ADARB1: variants seen among roughly 807,000 people sequenced by gnomAD.
The protein encoded by ADARB1 is double-stranded RNA-specific editase 1.
A neutral mutation model predicts 52.4 loss-of-function variants in ADARB1; 10 were observed. That is an observed-to-expected ratio of 0.19 (90% confidence interval 0.12 to 0.32). ADARB1 has a LOEUF of 0.32. Ranked by LOEUF, ADARB1 falls within the 10% of genes least tolerant of loss-of-function variation. ADARB1 has a pLI of 1.00. For synonymous variants in ADARB1, 349 were observed against 371.1 expected, an observed-to-expected ratio of 0.94 and a Z score of 0.68; for missense variants, 643 against 922.3, an observed-to-expected ratio of 0.70 and a Z score of 3.92.
At chr21:45,121,628 A>C (rs944296644) in intron 1 of ADARB1, among the ~76,000 whole-genome samples, 1 of 151,800 alleles carries the variant, frequency 6.6e-6, no homozygotes, top group Non-Finnish European at 1.5e-5. Context: ...TTTCTGGGTT[A>C]TTGCTTCGGT....
At chr21:45,183,593 CCTTTTTTT>C (rs2092000131) in intron 7 of ADARB1, 83 bp downstream of exon 7, 3 of 1,473,432 alleles carry the variant, frequency 2.0e-6, no homozygotes, top group Non-Finnish European at 1.8e-6. Context: ...TATCCCTTTT[CCTTTTTTT>C]CTTTTTATTT....
intron 9 of ADARB1, among the ~76,000 whole-genome samples, chr21:45,214,359 T>TA (rs1354628057): frequency 6.6e-6 from 1 of 152,246 alleles, no homozygotes; most frequent in Non-Finnish European, 1.5e-5. Flanking sequence ...CATAGTGTCT[T>TA]ACGCAAACCA....
intron 2 of ADARB1, chr21:45,136,964 G>C (rs574764875): frequency 1.3e-5 from 2 of 152,360 alleles, no homozygotes; most frequent in East Asian, 3.9e-4. Context: ...TTCTGAAGAA[G>C]TACACAATTA....
In ADARB1 at chr21:45,157,708, C is replaced by T. The variant is rs556766009; in HGVS notation, c.-47-13902C>T. 2.4e-4 allele frequency among the ~76,000 whole-genome samples: 36 copies of T among 152,058 alleles called. No individual in the cohort carries two copies. The East Asian group carries it at 5.2e-3, about 22-fold the overall frequency. ...ACATATGTGCATAGGGTGGGGGTAA[C>T]GAGGGAGAGGGACAAGAAGGGCCAG... On this transcript the variant is annotated intron_variant, in intron 2 of 10. Transcript: ENST00000348831. The surrounding 1 kb of genome is among the most constrained non-coding windows in gnomAD (Gnocchi z 4.1).
At position 45,180,447 on chromosome 21, in the gene ADARB1, A is replaced by G. The variant is rs1344621206; in HGVS notation, c.1078+3A>G. 6.8e-6 allele frequency: 11 copies of G among 1,610,098 alleles called. No individual in the cohort carries two copies. The highest frequency in any genetic ancestry group is 1.1e-5 in the South Asian group (1 of 90,770). ...GGCTGGAGTCGTCATGACAACAGGTAACCATCTTGGTGTTGTATGTAACCC... is the reference window on the plus strand; with the variant it reads ...GGCTGGAGTCGTCATGACAACAGGTGACCATCTTGGTGTTGTATGTAACCC... On this transcript the variant is annotated splice_donor_region_variant and intron_variant, in intron 5 of 10. Coordinates refer to ENST00000348831, the MANE Select transcript of ADARB1 (RefSeq NM_001112.4).
intron 8 of ADARB1, among the ~76,000 whole-genome samples, chr21:45,194,398 G>C (rs1217085191): frequency 6.6e-6 from 1 of 152,132 alleles, no homozygotes; most frequent in Non-Finnish European, 1.5e-5. Context: ...GACCAGAGTA[G>C]TTTCACTGCC....
At position 45,220,605 on chromosome 21, in the gene ADARB1, G is replaced by A. The variant is rs958611823; in HGVS notation, c.1748-231G>A. 1.1e-4 allele frequency among the ~76,000 whole-genome samples: 16 copies of A among 152,220 alleles called. No homozygotes were observed. Among genetic ancestry groups the A allele is most frequent in the East Asian group, 3.8e-4 (2 of 5,202 alleles). ...TGCCCTGTCAGACAAGTGCATACCC[G>A]TGGGTCAGTTCTGCTTTCTCAGCAC... On this transcript the variant is annotated intron_variant, in intron 9 of 10. Transcript: ENST00000348831. This position sits in a 1 kb window ranked among gnomAD's most constrained non-coding sequence, Gnocchi z 6.3.
At chr21:45,134,866 C>A (rs371162831) in intron 2 of ADARB1, 9 of 531,330 alleles carry the variant, frequency 1.7e-5, no homozygotes, top group African/African-American at 1.5e-4. Context: ...GTCAGGGGCA[C>A]CCAGCACCAC....
intron 2 of ADARB1, among the ~76,000 whole-genome samples, chr21:45,131,554 C>T (rs2088935688): frequency 6.6e-6 from 1 of 152,162 alleles, no homozygotes; most frequent in Non-Finnish European, 1.5e-5. Context: ...TAGGAGTGCC[C>T]ATGTCACCAT....
At chr21:45,134,009 T>G (rs1465251817) in intron 2 of ADARB1, among the ~76,000 whole-genome samples, 10 of 79,144 alleles carry the variant, frequency 1.3e-4, no homozygotes, top group African/African-American at 2.0e-4. Flanking sequence ...GCCCGACGGG[T>G]GTGTGTGCCC....
At chr21:45,211,232 G>A (rs1350459268) in intron 9 of ADARB1, among the ~76,000 whole-genome samples, 3 of 152,138 alleles carry the variant, frequency 2.0e-5, no homozygotes, top group African/African-American at 7.2e-5. Flanking sequence ...CCCTTAAGAC[G>A]ATCACAATGA....
chr21:45,123,693 C>T (rs1454934358), intron 1 of ADARB1, among the ~76,000 whole-genome samples: 1 of 152,124 alleles, frequency 6.6e-6, no homozygotes, highest in Non-Finnish European at 1.5e-5. Context: ...CTTGAACTCC[C>T]AGGTTCAAAC....
At position 45,183,627 on chromosome 21, in the gene ADARB1, G is replaced by T. The variant is rs565151193; in HGVS notation, c.1396+117G>T. 9.1e-5 allele frequency: 107 copies of T among 1,170,270 alleles called. No homozygotes were observed. The African/African-American group carries it at 1.6e-3, about 18-fold the overall frequency. The allele number at this position is 1,170,270 out of a possible 1,614,324, so 72.5% of individuals were successfully genotyped here. ...CTTTTTATTTTTAGACTTGGATGTGGATCTGATAAGAGTCTCTATAAAAGC... is the reference window on the plus strand; with the variant it reads ...CTTTTTATTTTTAGACTTGGATGTGTATCTGATAAGAGTCTCTATAAAAGC... On this transcript the variant is annotated intron_variant, in intron 7 of 10. Coordinates refer to ENST00000348831, the MANE Select transcript of ADARB1 (RefSeq NM_001112.4).
rs1416678912 is a variant in ADARB1, at chr21:45,204,562, G to A, written c.1573G>A (p.Val525Met). 1.2e-6 allele frequency: 2 copies of A among 1,614,028 alleles called. No individual in the cohort carries two copies. Among genetic ancestry groups the A allele is most frequent in the Non-Finnish European group, 1.7e-6 (2 of 1,179,952 alleles). ...GCTTTCTTCTCCCTCCAGCTGGAACGTGGTGGGCATCCAGGGATCCCTGCT... is the reference window on the plus strand; with the variant it reads ...GCTTTCTTCTCCCTCCAGCTGGAACATGGTGGGCATCCAGGGATCCCTGCT... ...SCSDKIARWNVVGIQGSLLSI... is the reference protein window; with the variant it reads ...SCSDKIARWNMVGIQGSLLSI... Residue 525 changes from valine (V) to methionine (M), a missense_variant, in exon 9 of 11, where the codon GTG becomes ATG. Physicochemically the swap from Val to Met is conservative, Grantham distance 21. Around this residue, in one of 2 missense-constraint regions of ADARB1, gnomAD observed 263 missense variants for 475.8 expected, o/e 0.55. Coordinates refer to ENST00000348831, the MANE Select transcript of ADARB1 (RefSeq NM_001112.4). The surrounding 1 kb of genome is among the most constrained non-coding windows in gnomAD (Gnocchi z 4.4).
At chr21:45,118,073 A>G (rs2087930531) in intron 1 of ADARB1, among the ~76,000 whole-genome samples, 1 of 152,236 alleles carries the variant, frequency 6.6e-6, no homozygotes. Flanking sequence ...TAAACATTTT[A>G]ATATAAGAAA....
chr21:45,222,243 C>A lies in ADARB1; in HGVS notation c.*46C>A. On this transcript the variant is annotated 3_prime_UTR_variant, in exon 11 of 11. Transcript: ENST00000348831. ...GGTGCAGGGGGCTGTGGGCATCCAG[C>A]GTCATCCTCCAGAACCTCACATCTG... The A allele has an allele frequency of 6.6e-7, 1 of 1,508,200 alleles. No individual in the cohort carries two copies. Among genetic ancestry groups the A allele is most frequent in the South Asian group, 1.4e-5 (1 of 73,748 alleles). The allele number at this position is 1,508,200 out of a possible 1,614,324, so 93.4% of individuals were successfully genotyped here.
At chr21:45,167,095 C>T (rs781545869) in intron 2 of ADARB1, among the ~76,000 whole-genome samples, 9 of 152,206 alleles carry the variant, frequency 5.9e-5, no homozygotes, top group Non-Finnish European at 5.9e-5. Flanking sequence ...AAACTGAAAA[C>T]GTTGGCTTCT....
chr21:45,219,983 G>T (rs1602065131), intron 9 of ADARB1, among the ~76,000 whole-genome samples: 2 of 129,772 alleles, frequency 1.5e-5, no homozygotes, highest in African/African-American at 6.4e-5. Context: ...TCTGCCTCTT[G>T]GTAGCCTTTT....
chr21:45,153,068 A>T lies in ADARB1; in HGVS notation c.-47-18542A>T, dbSNP rs144839788. 4.4e-3 allele frequency among the ~76,000 whole-genome samples: 672 copies of T among 152,368 alleles called. 7 individuals are homozygous for T. Among genetic ancestry groups the T allele is most frequent in the Admixed American group, 8.0e-3 (123 of 15,302 alleles). On this transcript the variant is annotated intron_variant, in intron 2 of 10. Coordinates refer to ENST00000348831, the MANE Select transcript of ADARB1 (RefSeq NM_001112.4). ...TGAGATTTCCTTTGCCGCACTCTTC[A>T]TTAATGACTTTTCTACATTAAAACT...
Sources: gnomAD v4.1 joint callset for allele counts (sites outside exome capture counted in the v4.1 genomes callset) on GRCh38, gnomAD v4.1.1 for gene constraint, gnomAD v4.1.1 regional missense constraint, Gnocchi (gnomAD v3.1) non-coding constraint, MANE v1.5 for transcripts, NCBI Gene and HGNC (gene_info 2026-07-23, HGNC 2026-07-21) for gene names.